Variants in RFX7 observed in about 807,000 individuals in gnomAD.
The protein encoded by RFX7 is DNA-binding protein RFX7.
A neutral mutation model predicts 111.8 loss-of-function variants in RFX7; 26 were observed. That is an observed-to-expected ratio of 0.23 (90% CI 0.17 to 0.32). The LOEUF is 0.32. Among genes scored for constraint, RFX7 ranks in the 10% least tolerant of loss-of-function variants. The probability of loss-of-function intolerance (pLI) is 1.00; values close to 1 mark genes in which losing one functional copy is unlikely to be tolerated. For synonymous variants in RFX7, 624 were observed against 624.4 expected, an observed-to-expected ratio of 1.00 and a Z score of 0.01; for missense variants, 1,573 against 1,772.9, an observed-to-expected ratio of 0.89 and a Z score of 2.02.
intron 5 of RFX7, among the ~76,000 whole-genome samples, chr15:56,107,869 G>T (rs566523447): frequency 5.9e-5 from 9 of 152,216 alleles, no homozygotes; most frequent in Admixed American, 2.0e-4. Flanking sequence ...AAATGATACA[G>T]GGGATATCGC....
At chr15:56,165,221 C>G (rs2042769776) in intron 3 of RFX7, among the ~76,000 whole-genome samples, 1 of 152,144 alleles carries the variant, frequency 6.6e-6, no homozygotes, top group Admixed American at 6.5e-5. Context: ...TGGCCCGGTT[C>G]CTGACAGGCC....
chr15:56,239,984 CTT>C (rs5812831), intron 2 of RFX7, among the ~76,000 whole-genome samples: 101 of 120,906 alleles, frequency 8.4e-4, no homozygotes, highest in African/African-American at 1.7e-3. Context: ...TTTGGTATTT[CTT>C]TTTTTTTTTT....
At chr15:56,174,361 G>A (rs904573096) in intron 3 of RFX7, among the ~76,000 whole-genome samples, 1 of 152,128 alleles carries the variant, frequency 6.6e-6, no homozygotes, top group Admixed American at 6.6e-5. Flanking sequence ...GGGATTTATA[G>A]CAGATTAGAT....
intron 2 of RFX7, among the ~76,000 whole-genome samples, chr15:56,213,457 T>G (rs939303130): frequency 6.6e-6 from 1 of 152,180 alleles, no homozygotes; most frequent in African/African-American, 2.4e-5. Flanking sequence ...TATGATCCTA[T>G]CTACATAACA....
At chr15:56,207,500 C>T (rs117963170) in intron 2 of RFX7, among the ~76,000 whole-genome samples, 3,015 of 152,130 alleles carry the variant, frequency 0.02, 40 homozygotes, top group Non-Finnish European at 0.031. Context: ...AGCCTCATAC[C>T]TTACAGAAAA....
chr15:56,199,354 C>T (rs936580641), intron 2 of RFX7, among the ~76,000 whole-genome samples: 1 of 152,056 alleles, frequency 6.6e-6, no homozygotes, highest in African/African-American at 2.4e-5. Context: ...TCTTTCCTTA[C>T]GTGATTGCTG....
chr15:56,226,884 G>A (rs1368861128), intron 2 of RFX7, among the ~76,000 whole-genome samples: 1 of 152,118 alleles, frequency 6.6e-6, no homozygotes, highest in Non-Finnish European at 1.5e-5. Flanking sequence ...CCAAAACTCG[G>A]ATGGGAGTGG....
At chr15:56,108,399 T>C (rs2041860328) in intron 5 of RFX7, among the ~76,000 whole-genome samples, 1 of 152,166 alleles carries the variant, frequency 6.6e-6, no homozygotes. Flanking sequence ...GTTCAACATA[T>C]GTAAATCAAT....
At chr15:56,238,713 T>C (rs147579710) in intron 2 of RFX7, among the ~76,000 whole-genome samples, 1 of 152,348 alleles carries the variant, frequency 6.6e-6, no homozygotes, top group African/African-American at 2.4e-5. Flanking sequence ...TTGGAATATT[T>C]TCTAAAATAA....
chr15:56,201,924 G>T (rs1050951072), intron 2 of RFX7, among the ~76,000 whole-genome samples: 2 of 152,144 alleles, frequency 1.3e-5, no homozygotes, highest in Non-Finnish European at 2.9e-5. Flanking sequence ...CCAGCTACTT[G>T]GGAGGCTGAG....
chr15:56,243,343 G>T, intron 1 of RFX7, 56 bp from the exon 2 acceptor site: 1 of 903,282 alleles, frequency 1.1e-6, no homozygotes, highest in Non-Finnish European at 1.4e-6. Flanking sequence ...AAGGGTGAGG[G>T]AAGAGACCGG....
rs140828561 is a variant in RFX7, at chr15:56,178,166, TACACACACACAC to T, written c.195+1092_195+1103del. Reference sequence around the variant, plus strand: ...AAAAAAAACTCGAAAACCAAAAAACTACACACACACACACACACACACACACACACACACACA... The same window carrying T: ...AAAAAAAACTCGAAAACCAAAAAACTACACACACACACACACACACACACA... On this transcript the variant is annotated intron_variant, in intron 3 of 9. Transcript: ENST00000559447. 8.9e-4 allele frequency among the ~76,000 whole-genome samples: 106 copies of T among 119,680 alleles called. 1 individual carries two copies. Among genetic ancestry groups the T allele is most frequent in the East Asian group, 4.1e-3 (18 of 4,370 alleles). The allele number at this position is 119,680 out of a possible 152,430, so 78.5% of individuals were successfully genotyped here.
At chr15:56,110,307 G>C (rs1472979121) in intron 5 of RFX7, among the ~76,000 whole-genome samples, 1 of 61,762 alleles carries the variant, frequency 1.6e-5, no homozygotes, top group Non-Finnish European at 4.0e-5. Context: ...CGCCCCGTCC[G>C]GGAGGGAGGT....
rs117563848 is a variant in RFX7, at chr15:56,124,631, G to A, written c.401+18147C>T. Among the ~76,000 whole-genome samples the A allele has an allele frequency of 8.2e-3, 1,240 of 152,146 alleles. 12 individuals are homozygous for A. The highest frequency in any genetic ancestry group is 0.011 in the Non-Finnish European group (731 of 68,008). ...TTAGTGATGTTGAGCATTTTTCCAC[G>A]TACCTATGGCCATTTGTACACCATC... On this transcript the variant is annotated intron_variant, in intron 5 of 9. Transcript: ENST00000559447.
chr15:56,112,190 G>T (rs2041945685), intron 5 of RFX7, among the ~76,000 whole-genome samples: 1 of 151,238 alleles, frequency 6.6e-6, no homozygotes. Flanking sequence ...TGAGGACTCA[G>T]AAATTAAATA....
rs2042852848 is a variant in RFX7 at position 56,172,190 on chromosome 15, T to C, written c.195+7080A>G. On this transcript the variant is annotated intron_variant, in intron 3 of 9. Coordinates refer to ENST00000559447, the MANE Select transcript of RFX7 (RefSeq NM_022841.7). ...TATTCAGCAGTGAGGGGTCATGGTA[T>C]CCTTTATAAAAGTTTCAGAGGAGTG... Among the ~76,000 whole-genome samples the C allele has an allele frequency of 2.0e-5, 3 of 152,298 alleles. No individual in the cohort carries two copies. The South Asian group carries it at 6.2e-4, about 32-fold the overall frequency.
intron 3 of RFX7, among the ~76,000 whole-genome samples, chr15:56,166,977 G>C (rs1232797299): frequency 6.6e-6 from 1 of 152,028 alleles, no homozygotes; most frequent in African/African-American, 2.4e-5. Context: ...GGAAACACTG[G>C]ATTACTATTT....
intron 5 of RFX7, among the ~76,000 whole-genome samples, chr15:56,137,929 G>T (rs1200196235): frequency 6.6e-6 from 1 of 152,092 alleles, no homozygotes; most frequent in Non-Finnish European, 1.5e-5. Context: ...GTGGTTTTGA[G>T]TGAGATTCTT....
In RFX7 at chr15:56,095,498, A is replaced by C; in HGVS notation, c.2230T>G (p.Leu744Val). The C allele has an allele frequency of 6.2e-7, 1 of 1,612,966 alleles. No individual in the cohort carries two copies. Among genetic ancestry groups the C allele is most frequent in the Non-Finnish European group, 8.5e-7 (1 of 1,179,858 alleles). The stretch of plus-strand genomic sequence containing the variant: ...GATGATGGGGTTGTTTGCTGTTCCA[A>C]AGCTGAATCACTGATAACAAGGGCA... The part of the protein sequence containing the change: ...SSALVISDSA[L>V]EQQTTPSSSP... Residue 744 changes from leucine to valine, a missense_variant, in exon 10 of 10, where the codon TTG becomes GTG. By Grantham distance (32) the Leu-to-Val change is conservative. Transcript: ENST00000559447.
Sources: allele counts gnomAD v4.1 joint callset (sites outside exome capture counted in the v4.1 genomes callset), GRCh38; gene constraint gnomAD v4.1.1; transcripts MANE v1.5; gene names NCBI Gene and HGNC (gene_info 2026-07-23, HGNC 2026-07-21).